Variants in LRMDA observed in about 807,000 individuals in gnomAD.
LRMDA encodes leucine rich melanocyte differentiation associated, also known as leucine-rich melanocyte differentiation-associated protein.
In LRMDA, 18 loss-of-function variants were observed where a neutral mutation model predicts 29.8. That is an observed-to-expected ratio of 0.60 (90% confidence interval 0.42 to 0.90). LRMDA has a LOEUF of 0.90. Among genes scored for constraint, LRMDA ranks in the 40% least tolerant of loss-of-function variants. LRMDA has a pLI of 0.00. For missense variants in LRMDA, 273 were observed against 273.9 expected, an observed-to-expected ratio of 1.00 and a Z score of 0.02; for synonymous variants, 125 against 109.4, an observed-to-expected ratio of 1.14 and a Z score of -0.89.
rs3927451 is a variant in LRMDA at position 75,853,523 on chromosome 10, G to A, written c.132-182485G>A. Among the ~76,000 whole-genome samples, 871 of 152,210 alleles carry A rather than the reference G, an allele frequency of 5.7e-3. 11 individuals carry two copies. The highest frequency in any genetic ancestry group is 0.02 in the African/African-American group (814 of 41,536). On this transcript the variant is annotated intron_variant, in intron 2 of 6. Transcript: ENST00000611255. ...GAAAGAACAATCTGCTTTCAAGTGA[G>A]TGGTGCAAATTCTCATGTGTGAGTG...
chr10:76,504,753 G>A (rs1271526126), intron 6 of LRMDA, among the ~76,000 whole-genome samples: 2 of 152,134 alleles, frequency 1.3e-5, no homozygotes, highest in Non-Finnish European at 2.9e-5. Context: ...TTTTTATCCA[G>A]TTGGCCACTC....
At chr10:75,905,932 T>A (rs1345887615) in intron 2 of LRMDA, among the ~76,000 whole-genome samples, 1 of 31,196 alleles carries the variant, frequency 3.2e-5, no homozygotes, top group African/African-American at 7.1e-4. Flanking sequence ...AGCCAAAGGT[T>A]TTTTTTTTCT....
intron 2 of LRMDA, among the ~76,000 whole-genome samples, chr10:76,022,171 G>C (rs1226635248): frequency 6.6e-6 from 1 of 152,218 alleles, no homozygotes; most frequent in Non-Finnish European, 1.5e-5. Flanking sequence ...GTGGTCGTCT[G>C]TTTATGCCCT....
At position 75,859,600 on chromosome 10, in the gene LRMDA, TACACACAC is replaced by T. The variant is rs71024575; in HGVS notation, c.132-176368_132-176361del. ...AGGACATCTTTATATATTCAGGGCA[TACACACAC>T]ACACACACACACACACACACACACA... On this transcript the variant is annotated intron_variant, in intron 2 of 6. Coordinates refer to ENST00000611255, the MANE Select transcript of LRMDA (RefSeq NM_001305581.2). Among the ~76,000 whole-genome samples, 98 of 77,598 alleles carry T rather than the reference TACACACAC, an allele frequency of 1.3e-3. 1 individual carries two copies. Among genetic ancestry groups the T allele is most frequent in the Non-Finnish European group, 1.6e-3 (60 of 36,510 alleles). The allele number at this position is 77,598 out of a possible 152,430, so 50.9% of individuals were successfully genotyped here.
At chr10:76,069,251 T>C (rs1437045707) in intron 5 of LRMDA, among the ~76,000 whole-genome samples, 1 of 152,168 alleles carries the variant, frequency 6.6e-6, no homozygotes, top group Non-Finnish European at 1.5e-5. Context: ...ACAAGCATGA[T>C]GGGGAAGGCT....
chr10:76,494,501 T>G (rs1842863877), intron 6 of LRMDA, among the ~76,000 whole-genome samples: 1 of 151,860 alleles, frequency 6.6e-6, no homozygotes, highest in African/African-American at 2.4e-5. Context: ...ATTTATCTAT[T>G]TTCTTATTTT....
At chr10:75,698,905 A>C (rs996710641) in intron 2 of LRMDA, among the ~76,000 whole-genome samples, 3 of 152,186 alleles carry the variant, frequency 2.0e-5, no homozygotes, top group Non-Finnish European at 4.4e-5. Context: ...TTTTACAAAA[A>C]TTCAAACTTT....
chr10:76,138,510 C>A (rs905560705), intron 5 of LRMDA, among the ~76,000 whole-genome samples: 2 of 152,150 alleles, frequency 1.3e-5, no homozygotes, highest in Non-Finnish European at 2.9e-5. Context: ...CCTGGCCAAG[C>A]GAGAACAAAT....
At chr10:75,827,963 G>A (rs1446736720) in intron 2 of LRMDA, among the ~76,000 whole-genome samples, 4 of 152,230 alleles carry the variant, frequency 2.6e-5, no homozygotes, top group African/African-American at 9.6e-5. Context: ...CATAAGAGCC[G>A]GCATTGCTGA....
intron 5 of LRMDA, among the ~76,000 whole-genome samples, chr10:76,148,181 G>A (rs59825192): frequency 0.14 from 21,072 of 152,154 alleles, 1,620 homozygotes; most frequent in East Asian, 0.24. Flanking sequence ...CTCAAGCTGC[G>A]TGCTGGGAGA....
chr10:76,353,304 C>T (rs2132434706), intron 6 of LRMDA, among the ~76,000 whole-genome samples: 1 of 150,574 alleles, frequency 6.6e-6, no homozygotes, highest in African/African-American at 2.4e-5. Flanking sequence ...ATGTGCTGTC[C>T]ATTTGCAATT....
intron 2 of LRMDA, among the ~76,000 whole-genome samples, chr10:75,558,950 G>C (rs1348192390): frequency 2.7e-5 from 4 of 148,568 alleles, no homozygotes; most frequent in Admixed American, 1.4e-4. Context: ...ATTTGGGTTG[G>C]TTCCAAGTCT....
intron 2 of LRMDA, among the ~76,000 whole-genome samples, chr10:76,008,261 A>G (rs1847709198): frequency 6.6e-6 from 1 of 152,202 alleles, no homozygotes; most frequent in African/African-American, 2.4e-5. Context: ...GGGAAAAGGA[A>G]GGAAAGGAGC....
At chr10:75,582,791 T>C (rs1209085253) in intron 2 of LRMDA, among the ~76,000 whole-genome samples, 1 of 152,248 alleles carries the variant, frequency 6.6e-6, no homozygotes, top group Non-Finnish European at 1.5e-5. Context: ...CCTTTAAATA[T>C]AAGTTCCTAG....
intron 5 of LRMDA, among the ~76,000 whole-genome samples, chr10:76,160,302 A>C (rs888352196): frequency 1.3e-5 from 2 of 151,778 alleles, no homozygotes; most frequent in African/African-American, 4.8e-5. Context: ...TCTGGACCTT[A>C]AATATTTTAT....
At chr10:76,245,697 T>G (rs1169009339) in intron 5 of LRMDA, among the ~76,000 whole-genome samples, 1 of 152,186 alleles carries the variant, frequency 6.6e-6, no homozygotes, top group African/African-American at 2.4e-5. Context: ...AGCCAGGAAT[T>G]GAACACATGT....
chr10:76,246,577 T>G (rs184963113), intron 5 of LRMDA, among the ~76,000 whole-genome samples: 3 of 152,328 alleles, frequency 2.0e-5, no homozygotes, highest in Admixed American at 6.5e-5. Flanking sequence ...CACACCTGAC[T>G]GTGGGACAGT....
chr10:75,718,409 A>T (rs1461311530), intron 2 of LRMDA, among the ~76,000 whole-genome samples: 1 of 152,236 alleles, frequency 6.6e-6, no homozygotes, highest in African/African-American at 2.4e-5. Flanking sequence ...AGACTCAGCC[A>T]GCCCATTGTC....
intron 2 of LRMDA, among the ~76,000 whole-genome samples, chr10:75,745,528 T>G (rs1393794019): frequency 5.9e-5 from 9 of 152,232 alleles, no homozygotes; most frequent in Non-Finnish European, 1.5e-5. Context: ...ATTTTAGATT[T>G]ACAGAAAAGT....
Sources: gnomAD v4.1 joint callset for allele counts (sites outside exome capture counted in the v4.1 genomes callset) on GRCh38, gnomAD v4.1.1 for gene constraint, MANE v1.5 for transcripts, NCBI Gene and HGNC (gene_info 2026-07-23, HGNC 2026-07-21) for gene names.